The following FILIP1L variants were observed in gnomAD, a reference collection of about 807,000 sequenced individuals.
FILIP1L encodes the protein filamin A-interacting protein 1-like.
FILIP1L carries 55 observed loss-of-function variants against 96.6 expected under a neutral mutation model. The observed-to-expected ratio is 0.57, with a 90% confidence interval of 0.46 to 0.71. The LOEUF is 0.71. Ranked by LOEUF, FILIP1L falls within the 30% of genes least tolerant of loss-of-function variation. The probability of loss-of-function intolerance (pLI) is 0.00; values close to 1 mark genes in which losing one functional copy is unlikely to be tolerated. For synonymous variants in FILIP1L, 467 were observed against 473.9 expected (o/e 0.99, Z 0.19); for missense variants, 1,304 against 1,321.2 (o/e 0.99, Z 0.20).
chr3:99,836,316 G>A (rs943339565), intron 5 of FILIP1L, among the ~76,000 whole-genome samples: 4 of 152,156 alleles, frequency 2.6e-5, no homozygotes, highest in Admixed American at 2.6e-4. Flanking sequence ...TTGAACCTGA[G>A]CAGTGGGGAA....
intron 4 of FILIP1L, among the ~76,000 whole-genome samples, chr3:99,904,235 G>A (rs74955263): frequency 0.022 from 3,301 of 152,264 alleles, 51 homozygotes; most frequent in Non-Finnish European, 0.036. Context: ...AGGCCAGATT[G>A]TTTCACCATT....
rs930991522 is a variant in FILIP1L, at chr3:100,048,440, C to G, written c.-11+65613G>C. On this transcript the variant is annotated intron_variant, in intron 1 of 5. Transcript: ENST00000477258. ...AGGAGGAAGAGTAGAGCCAGCTCTTCCCTGCAGCTGTGGCTAACCGAGGCA... is the reference window on the plus strand; with the variant it reads ...AGGAGGAAGAGTAGAGCCAGCTCTTGCCTGCAGCTGTGGCTAACCGAGGCA... Among the ~76,000 whole-genome samples, 5 of 152,248 alleles carry G rather than the reference C, an allele frequency of 3.3e-5. 1 individual carries two copies. In the East Asian group the frequency reaches 7.7e-4, roughly 24 times the overall value.
chr3:99,958,976 A>G (rs912038942), intron 1 of FILIP1L, among the ~76,000 whole-genome samples: 2 of 152,208 alleles, frequency 1.3e-5, no homozygotes, highest in African/African-American at 4.8e-5. Flanking sequence ...GTGTGTAAAA[A>G]CAGCAAATTA....
At chr3:99,911,158 C>G (rs1706774675) in intron 4 of FILIP1L, among the ~76,000 whole-genome samples, 1 of 151,966 alleles carries the variant, frequency 6.6e-6, no homozygotes. Context: ...ATTTATTTTT[C>G]CATTTGCTTC....
intron 4 of FILIP1L, among the ~76,000 whole-genome samples, chr3:99,857,462 TAAC>T (rs1174076730): frequency 6.6e-6 from 1 of 152,234 alleles, no homozygotes; most frequent in Non-Finnish European, 1.5e-5. Context: ...TCAACTCTGC[TAAC>T]AAAGGAGTGA....
chr3:100,103,691 C>T (rs1241063476), intron 1 of FILIP1L, among the ~76,000 whole-genome samples: 1 of 152,180 alleles, frequency 6.6e-6, no homozygotes, highest in African/African-American at 2.4e-5. Flanking sequence ...ATGGTCTCTT[C>T]CAGCAGCTAT....
chr3:100,041,129 A>C (rs1027346511), intron 1 of FILIP1L: 1 of 152,180 alleles, frequency 6.6e-6, no homozygotes, highest in Non-Finnish European at 1.5e-5. Context: ...ATTTCAGCTC[A>C]GATATAGCTA....
chr3:99,939,082 T>A (rs1242957457), intron 1 of FILIP1L, among the ~76,000 whole-genome samples: 5 of 152,246 alleles, frequency 3.3e-5, no homozygotes, highest in Admixed American at 6.5e-5. Context: ...AGTGGGGATG[T>A]ATGATTCAGG....
chr3:99,855,327 G>A (rs931400316), intron 4 of FILIP1L, among the ~76,000 whole-genome samples: 35 of 152,100 alleles, frequency 2.3e-4, no homozygotes, highest in South Asian at 1.2e-3. Flanking sequence ...CAAAAAGGGC[G>A]TTAAATGATT....
chr3:99,934,389 A>G (rs1224035066), intron 1 of FILIP1L, among the ~76,000 whole-genome samples: 1 of 152,208 alleles, frequency 6.6e-6, no homozygotes, highest in African/African-American at 2.4e-5. Flanking sequence ...TTGGTTCTTT[A>G]CTTCTTTTCA....
intron 1 of FILIP1L, among the ~76,000 whole-genome samples, chr3:99,970,344 T>C (rs1370017957): frequency 1.3e-5 from 2 of 152,228 alleles, no homozygotes; most frequent in African/African-American, 4.8e-5. Flanking sequence ...CTTCAGGCCT[T>C]CTGGTGTGTG....
intron 1 of FILIP1L, among the ~76,000 whole-genome samples, chr3:100,022,996 T>G (rs1696132920): frequency 6.6e-6 from 1 of 152,184 alleles, no homozygotes; most frequent in African/African-American, 2.4e-5. Context: ...TACTGACATT[T>G]TTGCCTGCTG....
At chr3:99,852,337 ATCTTT>A in intron 4 of FILIP1L, among the ~76,000 whole-genome samples, 1 of 152,224 alleles carries the variant, frequency 6.6e-6, no homozygotes, top group Admixed American at 6.5e-5. Context: ...ACTTTAATGT[ATCTTT>A]TCTATTAGGA....
intron 1 of FILIP1L, among the ~76,000 whole-genome samples, chr3:99,976,816 C>A (rs1200161072): frequency 6.6e-6 from 1 of 151,924 alleles, no homozygotes; most frequent in African/African-American, 2.4e-5. Flanking sequence ...GATGTTTGAC[C>A]ATTATCTCTT....
chr3:100,113,483 A>G (rs1488587013), intron 1 of FILIP1L, among the ~76,000 whole-genome samples: 1 of 152,200 alleles, frequency 6.6e-6, no homozygotes, highest in Non-Finnish European at 1.5e-5. Context: ...TCTGGCTCTC[A>G]TTCATTAAAT....
intron 1 of FILIP1L, among the ~76,000 whole-genome samples, chr3:100,103,105 TC>T (rs1230278584): frequency 4.6e-5 from 7 of 152,180 alleles, no homozygotes; most frequent in African/African-American, 1.7e-4. Flanking sequence ...TGAAATACCT[TC>T]CCTGACTTTT....
chr3:99,829,545 T>G lies in FILIP1L; in HGVS notation c.*869A>C, dbSNP rs561962121. The stretch of plus-strand genomic sequence containing the variant: ...ACTTTCCTGTTTTACATGTGGAAAC[T>G]CAAGGCTTAGATTGATGAATGCAAA... On this transcript the variant is annotated 3_prime_UTR_variant, in exon 6 of 6. Transcript: ENST00000477258. Among the ~76,000 whole-genome samples the G allele has an allele frequency of 3.2e-4, 49 of 152,330 alleles. No homozygotes were observed. Among genetic ancestry groups the G allele is most frequent in the African/African-American group, 1.2e-3 (49 of 41,564 alleles).
rs1167009884 is a variant in FILIP1L at position 100,108,164 on chromosome 3, G to A, written c.-11+5889C>T. 2.0e-5 allele frequency among the ~76,000 whole-genome samples: 3 copies of A among 152,224 alleles called. No homozygotes were observed. The East Asian group carries it at 5.8e-4, about 29-fold the overall frequency. ...TTATAGATGACATTTCTAGCCCATGGCTTCTTAATTCGGTCCAGGGAATCC... is the reference window on the plus strand; with the variant it reads ...TTATAGATGACATTTCTAGCCCATGACTTCTTAATTCGGTCCAGGGAATCC... On this transcript the variant is annotated intron_variant, in intron 1 of 5. Coordinates refer to ENST00000477258, the MANE Select transcript of FILIP1L (RefSeq NM_001387850.1).
intron 1 of FILIP1L, among the ~76,000 whole-genome samples, chr3:100,054,958 A>C (rs897281705): frequency 6.6e-6 from 1 of 152,158 alleles, no homozygotes; most frequent in Admixed American, 6.5e-5. Flanking sequence ...AAACTTCTGA[A>C]TGCCCTTTCC....
Sources: gnomAD v4.1 joint callset for allele counts (sites outside exome capture counted in the v4.1 genomes callset) on GRCh38, gnomAD v4.1.1 for gene constraint, MANE v1.5 for transcripts, NCBI Gene and HGNC (gene_info 2026-07-23, HGNC 2026-07-21) for gene names.